Variants in DLGAP2 observed in about 807,000 individuals in gnomAD.
The protein encoded by DLGAP2 is DLG associated protein 2.
Under a neutral mutation model 100.3 loss-of-function variants are expected in DLGAP2, and 26 were observed. The observed-to-expected ratio is 0.26, with a 90% CI of 0.19 to 0.36. The LOEUF is 0.36. Ranked by LOEUF, DLGAP2 falls within the 10% of genes least tolerant of loss-of-function variation. DLGAP2 has a pLI of 1.00. For synonymous variants in DLGAP2, 886 were observed against 630.1 expected (o/e 1.41, Z -6.08); for missense variants, 1,858 against 1,453.2 (o/e 1.28, Z -4.53).
chr8:1,449,338 C>T (rs533555485), intron 3 of DLGAP2, among the ~76,000 whole-genome samples: 1 of 152,310 alleles, frequency 6.6e-6, no homozygotes, highest in African/African-American at 2.4e-5. Context: ...GGGGCATGGG[C>T]AGGCATGCTT....
intron 6 of DLGAP2, chr8:1,622,214 T>C (rs1051248650): frequency 4.6e-5 from 7 of 152,200 alleles, no homozygotes; most frequent in South Asian, 2.1e-4. Flanking sequence ...AAGAAACACT[T>C]CTTATATTTG....
chr8:1,083,540 A>G (rs1803877656), intron 2 of DLGAP2, among the ~76,000 whole-genome samples: 1 of 152,212 alleles, frequency 6.6e-6, no homozygotes, highest in South Asian at 2.1e-4. Flanking sequence ...TCCACACAGT[A>G]TACATTTATA....
intron 3 of DLGAP2, among the ~76,000 whole-genome samples, chr8:1,481,848 C>T (rs750640978): frequency 1.3e-5 from 2 of 152,196 alleles, no homozygotes; most frequent in Admixed American, 1.3e-4. Context: ...TTGGCTGGCC[C>T]AGAAAACTAA....
intron 2 of DLGAP2, among the ~76,000 whole-genome samples, chr8:944,088 C>G (rs374220939): frequency 2.0e-5 from 3 of 152,348 alleles, no homozygotes; most frequent in East Asian, 1.9e-4. Flanking sequence ...GTATAATTTG[C>G]CCAAATGAGG....
intron 2 of DLGAP2, among the ~76,000 whole-genome samples, chr8:995,103 A>G (rs905538828): frequency 6.6e-6 from 1 of 152,212 alleles, no homozygotes; most frequent in African/African-American, 2.4e-5. Context: ...AAAGGAATAC[A>G]TAAAATTGTT....
At chr8:1,368,061 T>A (rs1418927733) in intron 3 of DLGAP2, among the ~76,000 whole-genome samples, 1 of 152,232 alleles carries the variant, frequency 6.6e-6, no homozygotes, top group African/African-American at 2.4e-5. Context: ...TTAACGTGCA[T>A]ACCTATCACG....
At position 1,481,646 on chromosome 8, in the gene DLGAP2, T is replaced by C. The variant is rs536503940; in HGVS notation, c.107-19720T>C. ...GGCATGAACCACCACGCCCGGCTAA[T>C]TTTGTATTTTTAGTAAAGACGGGGT... On this transcript the variant is annotated intron_variant, in intron 3 of 14. Transcript: ENST00000637795. Among the ~76,000 whole-genome samples, 5 of 151,786 alleles carry C rather than the reference T, an allele frequency of 3.3e-5. No homozygotes were observed. The South Asian group carries it at 6.3e-4, about 19-fold the overall frequency.
intron 2 of DLGAP2, among the ~76,000 whole-genome samples, chr8:1,097,549 A>G (rs1411019652): frequency 2.2e-5 from 3 of 136,988 alleles, no homozygotes; most frequent in Non-Finnish European, 4.7e-5. Context: ...TCTGCTCAGT[A>G]GAGTGGAGCT....
At chr8:1,674,721 A>G (rs189467495) in intron 10 of DLGAP2, among the ~76,000 whole-genome samples, 1 of 152,346 alleles carries the variant, frequency 6.6e-6, no homozygotes, top group East Asian at 1.9e-4. Context: ...TTTTCACACA[A>G]GTACAGACAT....
chr8:1,650,689 G>A (rs987923489), intron 8 of DLGAP2, among the ~76,000 whole-genome samples: 10 of 152,150 alleles, frequency 6.6e-5, no homozygotes, highest in African/African-American at 2.4e-5. Context: ...CTGGAGCAGA[G>A]ATGGGAGGAG....
chr8:1,489,138 T>C (rs1176022422), intron 3 of DLGAP2, among the ~76,000 whole-genome samples: 1 of 152,234 alleles, frequency 6.6e-6, no homozygotes, highest in African/African-American at 2.4e-5. Flanking sequence ...TCCTCCTCTG[T>C]GTTACCTGTG....
At chr8:1,313,069 C>G (rs537285420) in intron 3 of DLGAP2, among the ~76,000 whole-genome samples, 170 of 152,344 alleles carry the variant, frequency 1.1e-3, no homozygotes, top group Non-Finnish European at 1.9e-3. Context: ...TCTGTGCTGA[C>G]TGGTGTGTGC....
intron 1 of DLGAP2, among the ~76,000 whole-genome samples, chr8:895,165 T>G (rs1404309605): frequency 6.6e-6 from 1 of 151,912 alleles, no homozygotes; most frequent in East Asian, 1.9e-4. Flanking sequence ...AGAGGGGATT[T>G]AAAATGTTCT....
rs565076643 is a variant in DLGAP2 at position 1,189,779 on chromosome 8, G to C, written c.74-69072G>C. On this transcript the variant is annotated intron_variant, in intron 2 of 14. Transcript: ENST00000637795. Reference sequence around the variant, plus strand: ...ACACGGCAGATACAGCCGCCTGCCTGGGCCACTTCCATAAGCGGGAGGGCT... The same window carrying C: ...ACACGGCAGATACAGCCGCCTGCCTCGGCCACTTCCATAAGCGGGAGGGCT... Among the ~76,000 whole-genome samples, 55 of 152,262 alleles carry C rather than the reference G, an allele frequency of 3.6e-4. 2 individuals carry two copies. The South Asian group carries it at 0.011, about 31-fold the overall frequency.
chr8:1,506,577 A>C lies in DLGAP2; in HGVS notation c.172+5146A>C, dbSNP rs118113905. On this transcript the variant is annotated intron_variant, in intron 4 of 14. Transcript: ENST00000637795. ...TTTAGTGCATACAGCGTAAAAATTA[A>C]GCATCCACACTGCCCAAGACGATCT... 1.8e-3 allele frequency among the ~76,000 whole-genome samples: 270 copies of C among 152,312 alleles called. 2 individuals are homozygous for C. The highest frequency in any genetic ancestry group is 6.1e-3 in the African/African-American group (254 of 41,568).
intron 3 of DLGAP2, among the ~76,000 whole-genome samples, chr8:1,274,369 C>T (rs1056648373): frequency 6.6e-6 from 1 of 151,904 alleles, no homozygotes; most frequent in African/African-American, 2.4e-5. Flanking sequence ...GAAAATAAAC[C>T]ATAAAATAAG....
intron 8 of DLGAP2, among the ~76,000 whole-genome samples, chr8:1,639,248 A>T (rs6990161): frequency 7.2e-5 from 11 of 152,130 alleles, no homozygotes; most frequent in Non-Finnish European, 1.5e-4. Flanking sequence ...CAGCGTCAGC[A>T]TCGTGGGGAG....
rs1415011934 is a variant in DLGAP2 at position 1,355,048 on chromosome 8, CACGGATGATGCTGTGGA to C, written c.106+96166_106+96182del. Among the ~76,000 whole-genome samples, 23 of 151,850 alleles carry C rather than the reference CACGGATGATGCTGTGGA, an allele frequency of 1.5e-4. No individual in the cohort carries two copies. The East Asian group carries it at 1.6e-3, about 10-fold the overall frequency. ...GATGCTGTGGATGAGGGTGGAAAGT[CACGGATGATGCTGTGGA>C]TGAGGGTGGAAAGTCACGGATGATT... On this transcript the variant is annotated intron_variant, in intron 3 of 14. Transcript: ENST00000637795.
chr8:1,505,703 T>C (rs2130343736), intron 4 of DLGAP2, among the ~76,000 whole-genome samples: 1 of 152,360 alleles, frequency 6.6e-6, no homozygotes, highest in Non-Finnish European at 1.5e-5. Context: ...AACCTCACTT[T>C]TTCCAGAAGA....
Sources: gnomAD v4.1 joint callset for allele counts (sites outside exome capture counted in the v4.1 genomes callset) on GRCh38, gnomAD v4.1.1 for gene constraint, MANE v1.5 for transcripts, NCBI Gene and HGNC (gene_info 2026-07-23, HGNC 2026-07-21) for gene names.